The following CFAP299 variants were observed in gnomAD, a reference collection of about 807,000 sequenced individuals.
CFAP299 encodes cilia- and flagella-associated protein 299.
A neutral mutation model predicts 27.0 loss-of-function variants in CFAP299; 21 were observed. The observed-to-expected ratio is 0.78, with a 90% CI of 0.55 to 1.12. The LOEUF (loss-of-function observed/expected upper bound fraction) is 1.12, where lower values mean the gene tolerates loss of function less well. Ranked by LOEUF, CFAP299 falls within the 50% of genes most tolerant of loss-of-function variation. CFAP299 has a pLI of 0.00. For synonymous variants in CFAP299, 104 were observed against 98.1 expected, an observed-to-expected ratio of 1.06 and a Z score of -0.36; for missense variants, 310 against 276.6, an observed-to-expected ratio of 1.12 and a Z score of -0.86.
intron 2 of CFAP299, among the ~76,000 whole-genome samples, chr4:80,373,387 GGGGAGAA>G (rs1724245529): frequency 6.6e-6 from 1 of 151,984 alleles, no homozygotes; most frequent in Non-Finnish European, 1.5e-5. Context: ...GGTCTCTTTG[GGGGAGAA>G]GAGAATCACT....
chr4:80,847,128 T>G (rs1731228402), intron 3 of CFAP299, among the ~76,000 whole-genome samples: 1 of 152,166 alleles, frequency 6.6e-6, no homozygotes, highest in Admixed American at 6.5e-5. Context: ...CATGTCCAGA[T>G]GCTTGGGTAC....
chr4:80,784,202 C>T (rs1444928822), intron 3 of CFAP299, among the ~76,000 whole-genome samples: 3 of 151,710 alleles, frequency 2.0e-5, no homozygotes, highest in Admixed American at 1.3e-4. Context: ...TGTAGATATA[C>T]TCCTTTAGTG....
intron 3 of CFAP299, among the ~76,000 whole-genome samples, chr4:80,623,867 G>T (rs563660163): frequency 6.6e-6 from 1 of 152,290 alleles, no homozygotes; most frequent in Admixed American, 6.5e-5. Context: ...TCTCAGGCTT[G>T]TGTGGAAGAC....
intron 2 of CFAP299, among the ~76,000 whole-genome samples, chr4:80,578,878 A>C (rs1037331976): frequency 6.6e-6 from 1 of 152,156 alleles, no homozygotes; most frequent in African/African-American, 2.4e-5. Flanking sequence ...TTAGTTATGT[A>C]AGTAATACAG....
intron 3 of CFAP299, among the ~76,000 whole-genome samples, chr4:80,754,405 G>T (rs931710135): frequency 2.6e-5 from 4 of 152,106 alleles, no homozygotes; most frequent in Non-Finnish European, 4.4e-5. Context: ...GTGGGTAGGA[G>T]ATAGAAGCAT....
intron 2 of CFAP299, among the ~76,000 whole-genome samples, chr4:80,515,905 A>G (rs1303127117): frequency 6.6e-6 from 1 of 152,152 alleles, no homozygotes; most frequent in Non-Finnish European, 1.5e-5. Context: ...AAATAACAAT[A>G]ATTTACATGT....
intron 2 of CFAP299, among the ~76,000 whole-genome samples, chr4:80,541,590 C>T (rs1301008794): frequency 6.6e-6 from 1 of 152,106 alleles, no homozygotes; most frequent in Admixed American, 6.6e-5. Flanking sequence ...CCTACATAGT[C>T]TTATATTTCT....
At chr4:80,746,470 A>G (rs1336743254) in intron 3 of CFAP299, among the ~76,000 whole-genome samples, 1 of 152,114 alleles carries the variant, frequency 6.6e-6, no homozygotes, top group African/African-American at 2.4e-5. Context: ...AAGGGAAGTA[A>G]CATTTTGCAT....
chr4:80,355,009 A>G (rs143005555), intron 1 of CFAP299, among the ~76,000 whole-genome samples: 167 of 152,208 alleles, frequency 1.1e-3, no homozygotes, highest in African/African-American at 3.7e-3. Flanking sequence ...TTTATAATAG[A>G]ATGATTTATA....
At chr4:80,572,515 T>TTTTTTTTTTTTC (rs1735635792) in intron 2 of CFAP299, among the ~76,000 whole-genome samples, 1 of 117,424 alleles carries the variant, frequency 8.5e-6, no homozygotes, top group Non-Finnish European at 1.8e-5. Context: ...CAGTTTTTTT[T>TTTTTTTTTTTTC]TTTTTTTTTT....
intron 2 of CFAP299, among the ~76,000 whole-genome samples, chr4:80,540,858 G>A (rs1440760578): frequency 6.6e-6 from 1 of 152,086 alleles, no homozygotes; most frequent in East Asian, 1.9e-4. Flanking sequence ...ACAAACCTTT[G>A]TAGTGATTAG....
intron 3 of CFAP299, among the ~76,000 whole-genome samples, chr4:80,746,724 T>G (rs1724625054): frequency 6.6e-6 from 1 of 152,056 alleles, no homozygotes; most frequent in South Asian, 2.1e-4. Flanking sequence ...AATACTCTCA[T>G]ACTGGAGCAG....
intron 2 of CFAP299, among the ~76,000 whole-genome samples, chr4:80,548,774 AT>A (rs1734363719): frequency 6.6e-6 from 1 of 152,148 alleles, no homozygotes; most frequent in Admixed American, 6.6e-5. Context: ...CTATAATAAA[AT>A]TTAGTTTTTA....
chr4:80,460,211 C>G (rs56267604), intron 2 of CFAP299, among the ~76,000 whole-genome samples: 29,508 of 151,966 alleles, frequency 0.19, 3,015 homozygotes, highest in South Asian at 0.3. Context: ...CTCTCTCTTC[C>G]ACAAGCCAAT....
In CFAP299 at chr4:80,883,587, G is replaced by GA. The variant is rs576170891; in HGVS notation, c.476+13459dup. ...AGGCTGAAAATGAATACATTTTCAT[G>GA]AAAAAAATGTTACATAAAGTAATAA... is the stretch of plus-strand genomic sequence containing the variant. On this transcript the variant is annotated intron_variant, in intron 4 of 5. Coordinates refer to ENST00000358105, the MANE Select transcript of CFAP299 (RefSeq NM_152770.3). Among the ~76,000 whole-genome samples, 23 of 152,034 alleles carry GA rather than the reference G, an allele frequency of 1.5e-4. 1 individual carries two copies. The highest frequency in any genetic ancestry group is 1.5e-3 in the South Asian group (7 of 4,824).
At chr4:80,709,996 G>T (rs1448089857) in intron 3 of CFAP299, among the ~76,000 whole-genome samples, 1 of 152,152 alleles carries the variant, frequency 6.6e-6, no homozygotes, top group Non-Finnish European at 1.5e-5. Flanking sequence ...AGGGCAAGCT[G>T]CTTAATATCT....
chr4:80,910,043 A>T (rs898998049), intron 4 of CFAP299, among the ~76,000 whole-genome samples: 1 of 152,176 alleles, frequency 6.6e-6, no homozygotes, highest in Non-Finnish European at 1.5e-5. Context: ...GGTTTAGAAC[A>T]GCTGAATATA....
At chr4:80,949,963 G>C (rs2110235435) in intron 5 of CFAP299, among the ~76,000 whole-genome samples, 1 of 152,170 alleles carries the variant, frequency 6.6e-6, no homozygotes, top group African/African-American at 2.4e-5. Flanking sequence ...CAGTAACCCA[G>C]GTGAAAAGTA....
At chr4:80,903,967 A>C (rs1226552127) in intron 4 of CFAP299, among the ~76,000 whole-genome samples, 1 of 152,120 alleles carries the variant, frequency 6.6e-6, no homozygotes, top group Non-Finnish European at 1.5e-5. Context: ...AAAATATATA[A>C]TTTTTTATTT....
Sources: allele counts gnomAD v4.1 joint callset (sites outside exome capture counted in the v4.1 genomes callset), GRCh38; gene constraint gnomAD v4.1.1; transcripts MANE v1.5; gene names NCBI Gene and HGNC (gene_info 2026-07-23, HGNC 2026-07-21).